Variants in RBMS3 observed in about 807,000 individuals in gnomAD.
RBMS3 encodes the protein RNA-binding motif, single-stranded-interacting protein 3.
RBMS3 carries 27 observed loss-of-function variants against 66.8 expected under a neutral mutation model. The observed-to-expected ratio is 0.40, with a 90% CI of 0.30 to 0.56. The LOEUF (loss-of-function observed/expected upper bound fraction) is 0.56, where lower values mean the gene tolerates loss of function less well. Ranked by LOEUF, RBMS3 falls within the 20% of genes least tolerant of loss-of-function variation. RBMS3 has a pLI of 0.40. For missense variants in RBMS3, 513 were observed against 549.5 expected (o/e 0.93, Z 0.66); for synonymous variants, 188 against 183.0 (o/e 1.03, Z -0.22).
At chr3:29,648,261 C>CTTTTTTTTTTT (rs1576434694) in intron 4 of RBMS3, among the ~76,000 whole-genome samples, 4 of 88,138 alleles carry the variant, frequency 4.5e-5, no homozygotes, top group African/African-American at 9.8e-5. Flanking sequence ...TAGAAAATGT[C>CTTTTTTTTTTT]TATTTTTTTT....
intron 6 of RBMS3, among the ~76,000 whole-genome samples, chr3:29,787,824 A>C (rs1196226919): frequency 3.9e-5 from 6 of 152,196 alleles, no homozygotes; most frequent in Non-Finnish European, 7.3e-5. Flanking sequence ...CTGTTACCCC[A>C]AAACCTACTG....
intron 2 of RBMS3, among the ~76,000 whole-genome samples, chr3:29,452,903 G>A (rs992783146): frequency 3.3e-5 from 5 of 152,138 alleles, no homozygotes; most frequent in Non-Finnish European, 1.5e-5. Flanking sequence ...AATTTTGAAA[G>A]TATGCTTGAA....
At chr3:29,727,934 A>G (rs2053954041) in intron 4 of RBMS3, among the ~76,000 whole-genome samples, 1 of 152,218 alleles carries the variant, frequency 6.6e-6, no homozygotes, top group South Asian at 2.1e-4. Flanking sequence ...ACTATTTACG[A>G]TAGTAAAGAC....
chr3:29,866,863 G>C (rs1002396891), intron 6 of RBMS3, among the ~76,000 whole-genome samples: 7 of 152,176 alleles, frequency 4.6e-5, no homozygotes, highest in Non-Finnish European at 8.8e-5. Flanking sequence ...AGGCTCATCA[G>C]AGCAGTCAGT....
intron 1 of RBMS3, among the ~76,000 whole-genome samples, chr3:29,355,502 A>G (rs2037168431): frequency 6.6e-6 from 1 of 151,934 alleles, no homozygotes; most frequent in African/African-American, 2.4e-5. Context: ...TTCCTAACAC[A>G]TTACCTATTT....
chr3:29,894,917 T>C (rs990715868), intron 8 of RBMS3, among the ~76,000 whole-genome samples: 12 of 151,458 alleles, frequency 7.9e-5, no homozygotes, highest in Admixed American at 4.0e-4. Context: ...TCAAGTTCAG[T>C]GTAGAGATGA....
intron 1 of RBMS3, among the ~76,000 whole-genome samples, chr3:29,421,282 T>C (rs2040723814): frequency 6.6e-6 from 1 of 152,344 alleles, no homozygotes; most frequent in South Asian, 2.1e-4. Context: ...TCTTATGCTG[T>C]GGACTATTTG....
chr3:29,435,111 G>A, intron 2 of RBMS3, 196 bp downstream of exon 2: 2 of 599,934 alleles, frequency 3.3e-6, no homozygotes, highest in Non-Finnish European at 2.8e-6. Context: ...TTGTTGTTGA[G>A]TGGAAGTTCT....
At chr3:29,683,686 A>C (rs1413282253) in intron 4 of RBMS3, among the ~76,000 whole-genome samples, 2 of 152,224 alleles carry the variant, frequency 1.3e-5, no homozygotes, top group Non-Finnish European at 2.9e-5. Context: ...AAGGCGACAG[A>C]AAATATTTCT....
intron 6 of RBMS3, among the ~76,000 whole-genome samples, chr3:29,774,768 A>G (rs1304297837): frequency 6.6e-6 from 1 of 152,120 alleles, no homozygotes; most frequent in African/African-American, 2.4e-5. Flanking sequence ...AGCAAATGTT[A>G]GAATCCAGCT....
chr3:29,393,223 T>A (rs1387453589), intron 1 of RBMS3, among the ~76,000 whole-genome samples: 1 of 152,146 alleles, frequency 6.6e-6, no homozygotes, highest in Non-Finnish European at 1.5e-5. Flanking sequence ...CAGAAACTAT[T>A]TTGGATTCTG....
intron 8 of RBMS3, among the ~76,000 whole-genome samples, chr3:29,892,062 A>G (rs1300957003): frequency 6.6e-6 from 1 of 151,518 alleles, no homozygotes; most frequent in African/African-American, 2.4e-5. Flanking sequence ...TTACCATATT[A>G]CTACTGACCG....
At chr3:29,877,563 C>A (rs1362261731) in intron 7 of RBMS3, among the ~76,000 whole-genome samples, 1 of 152,118 alleles carries the variant, frequency 6.6e-6, no homozygotes, top group African/African-American at 2.4e-5. Flanking sequence ...ACTGCATAGA[C>A]CTTGGGAATT....
At chr3:29,358,547 A>T (rs1575607712) in intron 1 of RBMS3, among the ~76,000 whole-genome samples, 1 of 150,636 alleles carries the variant, frequency 6.6e-6, no homozygotes, top group African/African-American at 2.4e-5. Context: ...TTGGTTCCAT[A>T]TGAACTTTAA....
intron 2 of RBMS3, among the ~76,000 whole-genome samples, chr3:29,482,755 T>A (rs1179228544): frequency 2.3e-5 from 3 of 131,368 alleles, no homozygotes; most frequent in Non-Finnish European, 4.6e-5. Flanking sequence ...TCACCCAGGC[T>A]GGAGTGCAGT....
At chr3:29,329,212 T>C (rs923551955) in intron 1 of RBMS3, among the ~76,000 whole-genome samples, 1 of 152,042 alleles carries the variant, frequency 6.6e-6, no homozygotes, top group African/African-American at 2.4e-5. Context: ...GGGCAGGGGG[T>C]TTGTAAGGTA....
intron 1 of RBMS3, among the ~76,000 whole-genome samples, chr3:29,332,538 T>C (rs143822102): frequency 5.5e-4 from 84 of 152,272 alleles, no homozygotes; most frequent in African/African-American, 1.9e-3. Context: ...ACAGCTTGCC[T>C]GGGCATGATT....
chr3:29,489,825 A>C (rs990966932), intron 3 of RBMS3, among the ~76,000 whole-genome samples: 1 of 151,360 alleles, frequency 6.6e-6, no homozygotes, highest in Non-Finnish European at 1.5e-5. Context: ...AGGGTGGATC[A>C]TGAGGTCAGG....
chr3:29,816,238 C>A (rs1170925177), intron 6 of RBMS3, among the ~76,000 whole-genome samples: 2 of 151,766 alleles, frequency 1.3e-5, no homozygotes, highest in Non-Finnish European at 2.9e-5. Context: ...CAGAAGACTG[C>A]CCGATTAGCA....
Sources: allele counts gnomAD v4.1 joint callset (sites outside exome capture counted in the v4.1 genomes callset), GRCh38; gene constraint gnomAD v4.1.1; transcripts MANE v1.5; gene names NCBI Gene and HGNC (gene_info 2026-07-23, HGNC 2026-07-21).